TOP1MT: variants seen among roughly 807,000 people sequenced by gnomAD.
The protein encoded by TOP1MT is DNA topoisomerase I, mitochondrial.
TOP1MT carries 80 observed loss-of-function variants against 73.9 expected under a neutral mutation model. The observed-to-expected ratio is 1.08, with a 90% confidence interval of 0.90 to 1.30. The LOEUF is 1.30. Among genes scored for constraint, TOP1MT ranks in the 50% most tolerant of loss-of-function variants. The probability of loss-of-function intolerance (pLI) is 0.00; values close to 1 mark genes in which losing one functional copy is unlikely to be tolerated. For missense variants in TOP1MT, 815 were observed against 808.0 expected, an observed-to-expected ratio of 1.01 and a Z score of -0.10; for synonymous variants, 338 against 326.4, an observed-to-expected ratio of 1.04 and a Z score of -0.38.
intron 8 of TOP1MT, among the ~76,000 whole-genome samples, chr8:143,320,471 T>G (rs1215041121): frequency 6.6e-6 from 1 of 152,200 alleles, no homozygotes; most frequent in Non-Finnish European, 1.5e-5. Flanking sequence ...TCTCATTATG[T>G]TGCCCAAGTG....
chr8:143,344,231 G>C lies in TOP1MT; in HGVS notation c.-39+685C>G, dbSNP rs1817181044. The C allele has an allele frequency of 6.6e-6, 1 of 152,324 alleles. No homozygotes were observed. The highest frequency in any genetic ancestry group is 2.1e-4 in the South Asian group (1 of 4,834). The allele number at this position is 152,324 out of a possible 1,614,324, so 9.4% of individuals were successfully genotyped here. On this transcript the variant is annotated intron_variant, in intron 1 of 5. Transcript: ENST00000518007. This position sits in a 1 kb window ranked among gnomAD's most constrained non-coding sequence, Gnocchi z 4.6. The stretch of plus-strand genomic sequence containing the variant: ...TTCACCGAAACGAGAGGACTAGGGA[G>C]GGAAGGGCAGCAGACACCCACGGTC...
chr8:143,329,623 G>T, intron 2 of TOP1MT, 152 bp from the exon 3 acceptor site: 1 of 925,854 alleles, frequency 1.1e-6, no homozygotes, highest in South Asian at 1.8e-5. Context: ...AGCATGTTCT[G>T]CATGACACAC....
chr8:143,347,820 G>A (rs1817254465), upstream of TOP1MT, among the ~76,000 whole-genome samples: 1 of 152,148 alleles, frequency 6.6e-6, no homozygotes, highest in Non-Finnish European at 1.5e-5. Flanking sequence ...GGCTGTGCGG[G>A]ACCACCGCTT....
At chr8:143,319,669 G>A (rs1485604314) in intron 8 of TOP1MT, among the ~76,000 whole-genome samples, 1 of 152,138 alleles carries the variant, frequency 6.6e-6, no homozygotes, top group African/African-American at 2.4e-5. Flanking sequence ...TCATCCCTCT[G>A]GGCATCTATG....
At position 143,326,273 on chromosome 8, in the gene TOP1MT, G is replaced by A. The variant is rs545580498; in HGVS notation, c.432C>T (p.Tyr144=). Residue 144 remains tyrosine (Y), a synonymous_variant, in exon 4 of 14, where the codon TAC becomes TAT. Transcript: ENST00000329245. ...DKCDFTEIHR[Y]FVDKAAARKV... ...TCCGGGCTGCGGCCTTGTCCACAAA[G>A]TATCTGTGGATCTCCGTGAAGTCAC... 1.1e-5 allele frequency: 17 copies of A among 1,613,910 alleles called. No individual in the cohort carries two copies. The highest frequency in any genetic ancestry group is 1.6e-4 in the Middle Eastern group (1 of 6,062).
intron 3 of TOP1MT, among the ~76,000 whole-genome samples, chr8:143,328,854 G>A (rs534094994): frequency 7.4e-4 from 113 of 152,292 alleles, no homozygotes; most frequent in African/African-American, 2.5e-3. Context: ...CAGAATCCGC[G>A]GCACACACAT....
upstream of TOP1MT, among the ~76,000 whole-genome samples, chr8:143,347,609 T>C (rs1817248076): frequency 6.6e-6 from 1 of 152,226 alleles, no homozygotes. Context: ...AAGTAGTTAC[T>C]ATTTAGTATT....
intron 10 of TOP1MT, among the ~76,000 whole-genome samples, chr8:143,316,859 C>G (rs538750554): frequency 6.6e-6 from 1 of 152,346 alleles, no homozygotes; most frequent in East Asian, 1.9e-4. Flanking sequence ...CTCCCAGGCC[C>G]GGCCTCGGCC....
In TOP1MT at chr8:143,324,048, C is replaced by CGGTCT; in HGVS notation, c.910_911insAGACC (p.Arg304GlnfsTer5). The CGGTCT allele has an allele frequency of 6.2e-7, 1 of 1,613,870 alleles. No homozygotes were observed. The stretch of plus-strand genomic sequence containing the variant: ...CGCCCGCTGTCTCGTCTTCATTTCC[C>CGGTCT]GAGACTTCCAGTCAGCCCGGTACTG... On this transcript the variant is annotated frameshift_variant, in exon 7 of 14. Transcript: ENST00000329245. LOFTEE classifies it high-confidence loss of function.
At chr8:143,354,580 T>C (rs546246446) in intron 1 of TOP1MT, among the ~76,000 whole-genome samples, 1 of 152,008 alleles carries the variant, frequency 6.6e-6, no homozygotes, top group South Asian at 2.1e-4. Context: ...GGCGTGGTGG[T>C]GCATGCCTGT....
chr8:143,342,849 A>G (rs1415333596), intron 2 of TOP1MT, among the ~76,000 whole-genome samples: 1 of 147,812 alleles, frequency 6.8e-6, no homozygotes, highest in Non-Finnish European at 1.5e-5. Flanking sequence ...CAGTGGCGTG[A>G]TCTCGGCTCA....
intron 7 of TOP1MT, among the ~76,000 whole-genome samples, chr8:143,321,796 C>CCACA (rs757417457): frequency 0.038 from 1,497 of 39,402 alleles, 110 homozygotes; most frequent in Non-Finnish European, 0.042. Context: ...CACACGCACG[C>CCACA]CACACACGCA....
At chr8:143,325,236 C>T in intron 5 of TOP1MT, 110 bp downstream of exon 5, 1 of 1,046,856 alleles carries the variant, frequency 9.6e-7, no homozygotes, top group Non-Finnish European at 1.3e-6. Flanking sequence ...GTGGGGGTCA[C>T]CAACCACATG....
intron 2 of TOP1MT, among the ~76,000 whole-genome samples, chr8:143,329,799 A>G (rs1038064650): frequency 1.3e-5 from 2 of 152,194 alleles, no homozygotes; most frequent in Non-Finnish European, 2.9e-5. Context: ...AAAACACACC[A>G]ATTTCCACAA....
chr8:143,337,417 G>A (rs985521333), upstream of TOP1MT, among the ~76,000 whole-genome samples: 4 of 151,906 alleles, frequency 2.6e-5, no homozygotes, highest in African/African-American at 7.3e-5. Flanking sequence ...AAAAAAAGAC[G>A]GCAATACTCC....
At position 143,309,444 on chromosome 8, in the gene TOP1MT, G is replaced by T; in HGVS notation, c.1803C>A (p.Phe601Leu). ...GAAGTTTCAACACGGCTCGTCGTTA[G>T]AATTCAAAGTCTTCTCCTGCCATGG... ...ALAMAGEDFE[F>L] is the part of the protein sequence containing the mutation. The change falls in exon 14 of 14, where the codon TTC becomes TTA. Residue 601 changes from phenylalanine to leucine, a missense_variant. Phe to Leu is a conservative substitution (Grantham distance 22, BLOSUM62 0). Around this residue, in one of 3 missense-constraint regions of TOP1MT, gnomAD observed 751 missense variants for 725.4 expected, o/e 1.04. Transcript: ENST00000329245. 1 of 1,613,574 alleles carries T rather than the reference G, an allele frequency of 6.2e-7. No individual in the cohort carries two copies. Among genetic ancestry groups the T allele is most frequent in the East Asian group, 2.2e-5 (1 of 44,882 alleles).
rs563774961 is a variant in TOP1MT, at chr8:143,341,227, T to C, written c.29+1993A>G. On this transcript the variant is annotated intron_variant, in intron 2 of 5. Coordinates refer to the TOP1MT transcript ENST00000518007. The surrounding 1 kb of genome is among the most constrained non-coding windows in gnomAD (Gnocchi z 4.1). ...TTTCTCTTCGGATATTCTTTTTTTT[T>C]TCTCAGTTTGTGCCTCTCTTCCACA... 2.0e-5 allele frequency among the ~76,000 whole-genome samples: 3 copies of C among 152,252 alleles called. No individual in the cohort carries two copies. The highest frequency in any genetic ancestry group is 4.8e-5 in the African/African-American group (2 of 41,568).
chr8:143,321,065 C>A, intron 8 of TOP1MT, 136 bp downstream of exon 8: 1 of 888,878 alleles, frequency 1.1e-6, no homozygotes, highest in Non-Finnish European at 1.7e-6. Flanking sequence ...CCGATCAGCC[C>A]CGGCACAGCA....
chr8:143,333,049 T>C (rs1234417573), intron 1 of TOP1MT, among the ~76,000 whole-genome samples: 1 of 152,162 alleles, frequency 6.6e-6, no homozygotes, highest in East Asian at 1.9e-4. Flanking sequence ...GCTGCACCAC[T>C]AAGTGCCCTG....
Sources: allele counts gnomAD v4.1 joint callset (sites outside exome capture counted in the v4.1 genomes callset), GRCh38; gene constraint gnomAD v4.1.1; regional missense constraint gnomAD v4.1.1; non-coding constraint Gnocchi (gnomAD v3.1); transcripts MANE v1.5; gene names NCBI Gene and HGNC (gene_info 2026-07-23, HGNC 2026-07-21).